The following IQSEC3 variants were observed in gnomAD, a reference collection of about 807,000 sequenced individuals.
IQSEC3 encodes IQ motif and Sec7 domain ArfGEF 3.
A neutral mutation model predicts 105.4 loss-of-function variants in IQSEC3; 50 were observed. The observed-to-expected ratio is 0.47, with a 90% CI of 0.38 to 0.60. IQSEC3 has a LOEUF of 0.60. Ranked by LOEUF, IQSEC3 falls within the 20% of genes least tolerant of loss-of-function variation. The pLI, the probability that IQSEC3 is intolerant of heterozygous loss-of-function variation, is 0.00. For missense variants in IQSEC3, 1,415 were observed against 1,630.0 expected (o/e 0.87, Z 2.27); for synonymous variants, 708 against 746.0 (o/e 0.95, Z 0.83).
At position 138,482 on chromosome 12, in the gene IQSEC3, C is replaced by T. The variant is rs782434956; in HGVS notation, c.1119C>T (p.Gly373=). Residue 373 remains glycine, a synonymous_variant, in exon 4 of 14, where the codon GGC becomes GGT. Coordinates refer to ENST00000538872, the MANE Select transcript of IQSEC3 (RefSeq NM_001170738.2). The surrounding 1 kb of genome is among the most constrained non-coding windows in gnomAD (Gnocchi z 7.1). The part of the protein sequence containing the change: ...SLAAEKALME[G]YGLVGLPLVR... ...CGGCCGAGAAAGCGCTCATGGAGGG[C>T]TACGGCCTCGTGGGGCTGCCGCTGG... 8.2e-6 allele frequency: 13 copies of T among 1,594,848 alleles called. No homozygotes were observed. The Admixed American group carries it at 2.0e-4, about 25-fold the overall frequency.
intron 2 of IQSEC3, among the ~76,000 whole-genome samples, chr12:111,420 G>A (rs145958712): frequency 1.6e-3 from 241 of 152,258 alleles, no homozygotes; most frequent in Middle Eastern, 6.8e-3. Context: ...CTATTTGGGG[G>A]AATGTCAGAA....
intron 2 of IQSEC3, chr12:111,806 A>G (rs1022845687): frequency 1.3e-5 from 2 of 152,206 alleles, no homozygotes; most frequent in Non-Finnish European, 1.5e-5. Context: ...CCATGCAGGC[A>G]TGGAAATCCC....
intron 2 of IQSEC3, among the ~76,000 whole-genome samples, chr12:103,888 G>GGGGGGGGGCGGGGGCTCC (rs1864548905): frequency 1.6e-5 from 1 of 63,864 alleles, no homozygotes; most frequent in Non-Finnish European, 3.9e-5. Context: ...GCGGGGGCTC[G>GGGGGGGGGCGGGGGCTCC]GGAGGGGAGG....
intron 1 of IQSEC3, among the ~76,000 whole-genome samples, chr12:72,514 T>C (rs1357191286): frequency 1.5e-5 from 2 of 137,470 alleles, no homozygotes; most frequent in African/African-American, 5.1e-5. Flanking sequence ...CAATGGCAGC[T>C]TAGTAAGGAG....
intron 11 of IQSEC3, 153 bp downstream of exon 11, chr12:166,043 G>A (rs782157882): frequency 2.9e-5 from 22 of 753,190 alleles, no homozygotes; most frequent in South Asian, 1.9e-4. Context: ...CCCACAGCCC[G>A]GGTGGGAGCA....
chr12:93,143 G>A (rs1864143844), intron 1 of IQSEC3, among the ~76,000 whole-genome samples: 1 of 152,206 alleles, frequency 6.6e-6, no homozygotes, highest in African/African-American at 2.4e-5. Flanking sequence ...CTGAGGCTTT[G>A]AGAGATAAGG....
intron 2 of IQSEC3, among the ~76,000 whole-genome samples, chr12:109,384 C>T (rs1293388380): frequency 6.6e-6 from 1 of 152,158 alleles, no homozygotes; most frequent in Non-Finnish European, 1.5e-5. Context: ...TTCGGATCTT[C>T]CTTATGTAGC....
rs1555087922 is a variant in IQSEC3 at position 138,979 on chromosome 12, A to G, written c.1616A>G (p.Glu539Gly). 2 of 1,539,756 alleles carry G rather than the reference A, an allele frequency of 1.3e-6. No homozygotes were observed. The highest frequency in any genetic ancestry group is 4.8e-5 in the East Asian group (2 of 41,372). The change falls in exon 4 of 14, where the codon GAA (glutamate) becomes GGA (glycine). Residue 539 changes from glutamate (E) to glycine (G), a missense_variant. By Grantham distance (98) the Glu-to-Gly change is moderately conservative. Around this residue, in one of 6 missense-constraint regions of IQSEC3, gnomAD observed 720 missense variants for 633.0 expected, o/e 1.14. Transcript: ENST00000538872. This position sits in a 1 kb window ranked among gnomAD's most constrained non-coding sequence, Gnocchi z 7.1. Reference protein sequence around the residue: ...QGETSGREAPEAPAVGREDAS... With the variant: ...QGETSGREAPGAPAVGREDAS... The stretch of plus-strand genomic sequence containing the variant: ...GAGACCTCTGGGCGGGAGGCCCCGG[A>G]AGCCCCCGCCGTGGGCCGGGAGGAC...
At chr12:69,784 C>T (rs1228068949) in intron 1 of IQSEC3, among the ~76,000 whole-genome samples, 3 of 152,266 alleles carry the variant, frequency 2.0e-5, no homozygotes, top group East Asian at 1.9e-4. Flanking sequence ...GAGCTCAGGA[C>T]GGAATCACCA....
At chr12:127,183 G>T (rs781946327) in intron 3 of IQSEC3, among the ~76,000 whole-genome samples, 1 of 152,212 alleles carries the variant, frequency 6.6e-6, no homozygotes, top group East Asian at 1.9e-4. Flanking sequence ...AAAGCTGAAA[G>T]AGAACAGCTG....
chr12:128,072 C>T (rs1214450385), intron 3 of IQSEC3, among the ~76,000 whole-genome samples: 7 of 152,088 alleles, frequency 4.6e-5, no homozygotes, highest in East Asian at 1.9e-4. Context: ...CTGAAGTTTC[C>T]GCTCCCCTCC....
chr12:75,652 C>T (rs2650207), intron 1 of IQSEC3, among the ~76,000 whole-genome samples: 1 of 152,240 alleles, frequency 6.6e-6, no homozygotes, highest in African/African-American at 2.4e-5. Flanking sequence ...TGGTGTCGCA[C>T]GAGCCTGAAG....
intron 9 of IQSEC3, among the ~76,000 whole-genome samples, chr12:163,928 G>A (rs996728583): frequency 1.2e-4 from 18 of 152,292 alleles, no homozygotes; most frequent in Admixed American, 6.5e-4. Context: ...GGAAGCCCAG[G>A]ACAGGGAGTG....
intron 1 of IQSEC3, among the ~76,000 whole-genome samples, chr12:98,313 T>C (rs1555075197): frequency 6.6e-6 from 1 of 152,196 alleles, no homozygotes; most frequent in African/African-American, 2.4e-5. Context: ...CCTGGCTGCC[T>C]TTAGAATCAC....
At chr12:89,616 C>T (rs190036283) in intron 1 of IQSEC3, among the ~76,000 whole-genome samples, 75 of 143,868 alleles carry the variant, frequency 5.2e-4, no homozygotes, top group Middle Eastern at 3.6e-3. Context: ...TTCATCCCTT[C>T]CTTCCTGCAT....
At chr12:107,583 T>C (rs1359211757) in intron 2 of IQSEC3, among the ~76,000 whole-genome samples, 2 of 151,700 alleles carry the variant, frequency 1.3e-5, no homozygotes, top group Non-Finnish European at 2.9e-5. Flanking sequence ...CTAATTTTTT[T>C]GTATTTTTAG....
rs1303720072 is a variant in IQSEC3 at position 174,773 on chromosome 12, G to A, written c.3289G>A (p.Val1097Ile). Residue 1097 changes from valine to isoleucine, a missense_variant, in exon 14 of 14, where the codon GTC becomes ATC. Around this residue, in one of 6 missense-constraint regions of IQSEC3, gnomAD observed 419 missense variants for 436.2 expected, o/e 0.96. Coordinates refer to ENST00000538872, the MANE Select transcript of IQSEC3 (RefSeq NM_001170738.2). ...PGTLVQCQQI[V>I]KVIVLDKPCL... ...CACCCTGGTGCAGTGCCAGCAAATT[G>A]TCAAGGTCATTGTCCTGGACAAGCC... 1 of 1,589,802 alleles carries A rather than the reference G, an allele frequency of 6.3e-7. No homozygotes were observed. Among genetic ancestry groups the A allele is most frequent in the African/African-American group, 1.3e-5 (1 of 74,582 alleles).
chr12:107,567 G>A (rs1864709746), intron 2 of IQSEC3, among the ~76,000 whole-genome samples: 1 of 151,828 alleles, frequency 6.6e-6, no homozygotes, highest in Admixed American at 6.6e-5. Flanking sequence ...CCGCCACCGT[G>A]CCCGGCTAAT....
intron 5 of IQSEC3, among the ~76,000 whole-genome samples, chr12:151,867 C>T (rs1270256001): frequency 6.6e-6 from 1 of 152,124 alleles, no homozygotes; most frequent in Non-Finnish European, 1.5e-5. Flanking sequence ...CTTCCTTTGG[C>T]CACCTCCTAC....
Sources: gnomAD v4.1 joint callset for allele counts (sites outside exome capture counted in the v4.1 genomes callset) on GRCh38, gnomAD v4.1.1 for gene constraint, gnomAD v4.1.1 regional missense constraint, Gnocchi (gnomAD v3.1) non-coding constraint, MANE v1.5 for transcripts, NCBI Gene and HGNC (gene_info 2026-07-23, HGNC 2026-07-21) for gene names.